The following SPATA16 variants were observed in gnomAD, a reference collection of about 807,000 sequenced individuals.
SPATA16 encodes the protein spermatogenesis associated 16.
A neutral mutation model predicts 63.3 loss-of-function variants in SPATA16; 36 were observed. The observed-to-expected ratio is 0.57, with a 90% CI of 0.44 to 0.75. SPATA16 has a LOEUF of 0.75. Ranked by LOEUF, SPATA16 falls within the 30% of genes least tolerant of loss-of-function variation. The probability of loss-of-function intolerance (pLI) is 0.00; values close to 1 mark genes in which losing one functional copy is unlikely to be tolerated. For missense variants in SPATA16, 646 were observed against 679.3 expected, an observed-to-expected ratio of 0.95 and a Z score of 0.54; for synonymous variants, 203 against 216.7, an observed-to-expected ratio of 0.94 and a Z score of 0.56.
At chr3:173,068,796 C>G (rs1328996072) in intron 2 of SPATA16, among the ~76,000 whole-genome samples, 1 of 146,666 alleles carries the variant, frequency 6.8e-6, no homozygotes, top group Non-Finnish European at 1.5e-5. Flanking sequence ...AAAGTAAGAG[C>G]AAACCAAACC....
chr3:172,893,087 A>G (rs574757456), intron 10 of SPATA16, among the ~76,000 whole-genome samples: 3 of 152,344 alleles, frequency 2.0e-5, no homozygotes, highest in African/African-American at 7.2e-5. Context: ...GTCATCAGTC[A>G]GTTTCTCAAC....
chr3:173,004,848 G>A (rs1734905873), intron 4 of SPATA16, among the ~76,000 whole-genome samples: 1 of 152,046 alleles, frequency 6.6e-6, no homozygotes, highest in Admixed American at 6.5e-5. Context: ...CTGATTAACA[G>A]GTTAAAAACT....
At chr3:172,991,247 C>T (rs948741592) in intron 4 of SPATA16, among the ~76,000 whole-genome samples, 9 of 152,078 alleles carry the variant, frequency 5.9e-5, no homozygotes, top group Non-Finnish European at 1.0e-4. Flanking sequence ...GTTGCACAGC[C>T]AGCCTCCATG....
intron 5 of SPATA16, among the ~76,000 whole-genome samples, chr3:172,969,192 A>G (rs1446995616): frequency 6.6e-6 from 1 of 152,228 alleles, no homozygotes; most frequent in Non-Finnish European, 1.5e-5. Context: ...TCTGACTTAC[A>G]TCATGGGGAG....
At chr3:173,064,692 GC>G (rs1736473291) in intron 2 of SPATA16, among the ~76,000 whole-genome samples, 1 of 152,166 alleles carries the variant, frequency 6.6e-6, no homozygotes, top group Non-Finnish European at 1.5e-5. Flanking sequence ...CATGGAAAAT[GC>G]AGGAATATGG....
chr3:173,067,809 T>C (rs555498111), intron 2 of SPATA16, among the ~76,000 whole-genome samples: 2 of 152,158 alleles, frequency 1.3e-5, no homozygotes, highest in East Asian at 1.9e-4. Context: ...CTATGGTATA[T>C]AGTAATCAAA....
At chr3:173,037,647 A>G (rs1417316423) in intron 3 of SPATA16, among the ~76,000 whole-genome samples, 1 of 152,084 alleles carries the variant, frequency 6.6e-6, no homozygotes, top group Non-Finnish European at 1.5e-5. Flanking sequence ...AGTCATAAGA[A>G]AGGTGTATGT....
chr3:173,082,542 C>T (rs1736949272), intron 2 of SPATA16, among the ~76,000 whole-genome samples: 1 of 152,196 alleles, frequency 6.6e-6, no homozygotes, highest in Non-Finnish European at 1.5e-5. Flanking sequence ...TTGGTGGACA[C>T]ACAAAAAACA....
rs140850918 is a variant in SPATA16, at chr3:173,134,522, C to T, written c.-19+6581G>A. ...AAAAAAAAAGTAAGCCATTGTAAAG[C>T]AAGGCTGCCTCGCATGTTTGGTCTT... On this transcript the variant is annotated intron_variant, in intron 1 of 10. Coordinates refer to ENST00000351008, the MANE Select transcript of SPATA16 (RefSeq NM_031955.6). 1.4e-3 allele frequency among the ~76,000 whole-genome samples: 210 copies of T among 152,088 alleles called. 1 individual carries two copies. The highest frequency in any genetic ancestry group is 2.1e-3 in the Non-Finnish European group (142 of 67,992).
chr3:172,901,967 G>A (rs1209229416), intron 10 of SPATA16, among the ~76,000 whole-genome samples: 1 of 152,134 alleles, frequency 6.6e-6, no homozygotes, highest in Admixed American at 6.5e-5. Context: ...TTCCTACTGG[G>A]GATAAAAGTC....
chr3:172,983,758 C>G (rs1734376476), intron 4 of SPATA16, among the ~76,000 whole-genome samples: 2 of 151,962 alleles, frequency 1.3e-5, no homozygotes, highest in South Asian at 4.2e-4. Flanking sequence ...AACACACACA[C>G]TCACACACAC....
At chr3:173,003,683 C>T (rs555937722) in intron 4 of SPATA16, among the ~76,000 whole-genome samples, 1 of 152,292 alleles carries the variant, frequency 6.6e-6, no homozygotes, top group East Asian at 1.9e-4. Context: ...AGTCCAGGAA[C>T]ATACTGTTCA....
chr3:173,092,850 T>G (rs1179840990), intron 2 of SPATA16, among the ~76,000 whole-genome samples: 2 of 152,180 alleles, frequency 1.3e-5, no homozygotes, highest in Non-Finnish European at 2.9e-5. Flanking sequence ...CTTTTCTCAT[T>G]GCCTATTTGG....
chr3:172,969,646 A>G (rs552818313), intron 5 of SPATA16, among the ~76,000 whole-genome samples: 19 of 152,336 alleles, frequency 1.2e-4, no homozygotes, highest in African/African-American at 4.6e-4. Context: ...TGGAAGGCCA[A>G]CAGAAGCAGA....
intron 1 of SPATA16, among the ~76,000 whole-genome samples, chr3:173,140,397 T>A (rs561551778): frequency 6.6e-6 from 1 of 152,236 alleles, no homozygotes; most frequent in Non-Finnish European, 1.5e-5. Flanking sequence ...CTGGAACCTA[T>A]TTTTAATTGC....
intron 6 of SPATA16, among the ~76,000 whole-genome samples, chr3:172,934,320 A>G (rs1219548254): frequency 1.3e-5 from 2 of 152,140 alleles, no homozygotes; most frequent in Non-Finnish European, 2.9e-5. Context: ...CTTGCCCTAC[A>G]TAAATTCATA....
intron 6 of SPATA16, among the ~76,000 whole-genome samples, chr3:172,942,043 G>A (rs1484346909): frequency 6.6e-6 from 1 of 152,024 alleles, no homozygotes; most frequent in Non-Finnish European, 1.5e-5. Context: ...AGGTTAGGAG[G>A]GGGGAAAAGC....
chr3:173,108,904 C>T (rs547181098), intron 2 of SPATA16, among the ~76,000 whole-genome samples: 10 of 152,248 alleles, frequency 6.6e-5, no homozygotes, highest in African/African-American at 9.6e-5. Flanking sequence ...ATGCCATCTA[C>T]GCTAGTGTAA....
At chr3:173,014,402 A>T (rs1210079136) in intron 4 of SPATA16, among the ~76,000 whole-genome samples, 1 of 152,208 alleles carries the variant, frequency 6.6e-6, no homozygotes, top group Non-Finnish European at 1.5e-5. Flanking sequence ...ATGGACATAA[A>T]GATGGAAACA....
Sources: gnomAD v4.1 joint callset for allele counts (sites outside exome capture counted in the v4.1 genomes callset) on GRCh38, gnomAD v4.1.1 for gene constraint, MANE v1.5 for transcripts, NCBI Gene and HGNC (gene_info 2026-07-23, HGNC 2026-07-21) for gene names.